Variants in BCAS3 observed in about 807,000 individuals in gnomAD.
The protein encoded by BCAS3 is BCAS3 microtubule associated cell migration factor.
BCAS3 carries 53 observed loss-of-function variants against 116.1 expected under a neutral mutation model. That is an observed-to-expected ratio of 0.46 (90% CI 0.37 to 0.57). BCAS3 has a LOEUF of 0.57. BCAS3 is among the 20% of genes least tolerant of loss of function. BCAS3 has a pLI of 0.00. For synonymous variants in BCAS3, 391 were observed against 408.2 expected (o/e 0.96, Z 0.51); for missense variants, 917 against 1,165.4 (o/e 0.79, Z 3.10).
chr17:61,072,329 T>G (rs1039366917), intron 19 of BCAS3, among the ~76,000 whole-genome samples: 1 of 152,176 alleles, frequency 6.6e-6, no homozygotes, highest in Non-Finnish European at 1.5e-5. Flanking sequence ...AATCCTGTTT[T>G]CATCTGTAAT....
chr17:61,254,417 A>T (rs2048605679), intron 22 of BCAS3, among the ~76,000 whole-genome samples: 2 of 152,174 alleles, frequency 1.3e-5, no homozygotes, highest in African/African-American at 4.8e-5. Flanking sequence ...TTGAGTTCTT[A>T]TCTCTCCTTT....
chr17:61,096,067 G>A (rs955616215), intron 22 of BCAS3, among the ~76,000 whole-genome samples: 13 of 151,962 alleles, frequency 8.6e-5, no homozygotes, highest in South Asian at 4.2e-4. Flanking sequence ...GTGTGATATC[G>A]GTTCACTGCA....
intron 22 of BCAS3, chr17:61,353,784 G>T (rs141952267): frequency 6.6e-6 from 1 of 152,238 alleles, no homozygotes; most frequent in South Asian, 2.1e-4. Flanking sequence ...CAGGCGGACC[G>T]GCCAAGGCTG....
rs537467471 is a variant in BCAS3, at chr17:61,012,651, C to T, written c.1487-3100C>T. 6.6e-6 allele frequency among the ~76,000 whole-genome samples: 1 copy of T among 152,052 alleles called. No homozygotes were observed. On this transcript the variant is annotated intron_variant, in intron 15 of 23. Coordinates refer to ENST00000407086, the MANE Select transcript of BCAS3 (RefSeq NM_017679.5). This position sits in a 1 kb window ranked among gnomAD's most constrained non-coding sequence, Gnocchi z 4.5. Reference sequence around the variant, plus strand: ...TGTAAAACCTACACAACTTACTTTGCTCTCTCAGATGTGCTGGTTTCAAAT... The same window carrying T: ...TGTAAAACCTACACAACTTACTTTGTTCTCTCAGATGTGCTGGTTTCAAAT...
rs926456530 is a variant in BCAS3, at chr17:61,276,224, G to T, written c.2426-92103G>T. Among the ~76,000 whole-genome samples the T allele has an allele frequency of 7.2e-5, 11 of 152,146 alleles. No homozygotes were observed. Among genetic ancestry groups the T allele is most frequent in the African/African-American group, 2.7e-4 (11 of 41,508 alleles). On this transcript the variant is annotated intron_variant, in intron 22 of 23. Coordinates refer to ENST00000407086, the MANE Select transcript of BCAS3 (RefSeq NM_017679.5). The surrounding 1 kb of genome is among the most constrained non-coding windows in gnomAD (Gnocchi z 4.2). ...AAAAATTAGCCAGGCATGGTGGTGAGCACCTGTAATCCCAGCTACTTGGGA... is the reference window on the plus strand; with the variant it reads ...AAAAATTAGCCAGGCATGGTGGTGATCACCTGTAATCCCAGCTACTTGGGA...
At chr17:60,775,918 C>T (rs1024304922) in intron 6 of BCAS3, among the ~76,000 whole-genome samples, 6 of 152,000 alleles carry the variant, frequency 3.9e-5, no homozygotes, top group African/African-American at 1.5e-4. Flanking sequence ...AGAAATGAAC[C>T]AAGAATTATG....
intron 13 of BCAS3, among the ~76,000 whole-genome samples, chr17:60,929,531 GAT>G (rs997093501): frequency 1.3e-5 from 2 of 151,928 alleles, no homozygotes; most frequent in African/African-American, 4.8e-5. Flanking sequence ...TTTATAAAAA[GAT>G]ATGTAATTTC....
At position 61,203,447 on chromosome 17, in the gene BCAS3, C is replaced by T. The variant is rs933902394; in HGVS notation, c.2425+118883C>T. Among the ~76,000 whole-genome samples the T allele has an allele frequency of 2.6e-5, 4 of 152,118 alleles. No individual in the cohort carries two copies. The highest frequency in any genetic ancestry group is 2.1e-4 in the South Asian group (1 of 4,824). On this transcript the variant is annotated intron_variant, in intron 22 of 23. Transcript: ENST00000407086. This position sits in a 1 kb window ranked among gnomAD's most constrained non-coding sequence, Gnocchi z 5.7. ...CTGGTATCACAGGTGTGAGCCACCG[C>T]GCCTGGGCTTCATTACAATTTTTAT...
intron 22 of BCAS3, among the ~76,000 whole-genome samples, chr17:61,322,802 G>GAGAGAGAGAGAGAGAGAGAGAGAC (rs1568850130): frequency 4.8e-5 from 6 of 125,450 alleles, no homozygotes; most frequent in East Asian, 4.4e-4. Flanking sequence ...GACAGAGAGA[G>GAGAGAGAGAGAGAGAGAGAGAGAC]AGAGAGAGAG....
At chr17:61,074,494 A>G (rs1267763058) in intron 19 of BCAS3, among the ~76,000 whole-genome samples, 1 of 152,174 alleles carries the variant, frequency 6.6e-6, no homozygotes, top group Non-Finnish European at 1.5e-5. Flanking sequence ...AAGATGATGT[A>G]TTTCTCTGGA....
chr17:61,275,167 A>G (rs2050664718), intron 22 of BCAS3, among the ~76,000 whole-genome samples: 1 of 152,194 alleles, frequency 6.6e-6, no homozygotes, highest in South Asian at 2.1e-4. Context: ...TCTGTTTTTG[A>G]AAAGCTACTG....
chr17:61,133,201 T>C (rs1270612981), intron 22 of BCAS3, among the ~76,000 whole-genome samples: 1 of 152,152 alleles, frequency 6.6e-6, no homozygotes, highest in African/African-American at 2.4e-5. Flanking sequence ...GAGTATTTGA[T>C]GTTACCCCTT....
At chr17:61,069,121 C>T (rs908224824) in intron 19 of BCAS3, among the ~76,000 whole-genome samples, 1 of 151,858 alleles carries the variant, frequency 6.6e-6, no homozygotes, top group Non-Finnish European at 1.5e-5. Context: ...AAAGAAGTGA[C>T]TTGGGAAATA....
chr17:60,679,814 A>G (rs1208360668), intron 2 of BCAS3, among the ~76,000 whole-genome samples: 1 of 152,168 alleles, frequency 6.6e-6, no homozygotes, highest in Non-Finnish European at 1.5e-5. Context: ...GGATTGTTAA[A>G]TCAGTTTAGT....
chr17:61,347,511 A>G lies in BCAS3; in HGVS notation c.2426-20816A>G, dbSNP rs2057572338. On this transcript the variant is annotated intron_variant, in intron 22 of 23. Transcript: ENST00000407086. The surrounding 1 kb of genome is among the most constrained non-coding windows in gnomAD (Gnocchi z 4.3). Reference sequence around the variant, plus strand: ...CAGGAACTGAGGCACTGTGCTGTGCACTGGGGACAGAGATCTAAAAAATGA... The same window carrying G: ...CAGGAACTGAGGCACTGTGCTGTGCGCTGGGGACAGAGATCTAAAAAATGA... 6.6e-6 allele frequency among the ~76,000 whole-genome samples: 1 copy of G among 152,212 alleles called. No individual in the cohort carries two copies. Among genetic ancestry groups the G allele is most frequent in the South Asian group, 2.1e-4 (1 of 4,832 alleles).
intron 9 of BCAS3, among the ~76,000 whole-genome samples, chr17:60,881,682 T>C (rs2056170776): frequency 6.7e-6 from 1 of 148,212 alleles, no homozygotes; most frequent in Non-Finnish European, 1.5e-5. Context: ...TGAGTGAGAA[T>C]ATGCGGTGTT....
chr17:61,386,444 G>A (rs1271463998), intron 23 of BCAS3, among the ~76,000 whole-genome samples: 1 of 152,236 alleles, frequency 6.6e-6, no homozygotes, highest in East Asian at 1.9e-4. Context: ...AGCGTGGGTG[G>A]AGAAATGCAG....
rs1201989400 is a variant in BCAS3, at chr17:61,233,710, C to G, written c.2426-134617C>G. 1.3e-5 allele frequency among the ~76,000 whole-genome samples: 2 copies of G among 152,204 alleles called. No homozygotes were observed. The highest frequency in any genetic ancestry group is 4.8e-5 in the African/African-American group (2 of 41,462). ...AATGAAAGCATGGATTAGGCTAGCT[C>G]TTCGTCAAACCTCCCTTCTCAATTC... On this transcript the variant is annotated intron_variant, in intron 22 of 23. Transcript: ENST00000407086. The surrounding 1 kb of genome is among the most constrained non-coding windows in gnomAD (Gnocchi z 4.3).
intron 15 of BCAS3, among the ~76,000 whole-genome samples, chr17:60,999,179 A>G (rs1246053502): frequency 3.3e-5 from 5 of 152,112 alleles, no homozygotes; most frequent in South Asian, 4.1e-4. Context: ...CCATTGGTCT[A>G]TGTGTCTTAT....
Sources: gnomAD v4.1 joint callset for allele counts (sites outside exome capture counted in the v4.1 genomes callset) on GRCh38, gnomAD v4.1.1 for gene constraint, Gnocchi (gnomAD v3.1) non-coding constraint, MANE v1.5 for transcripts, NCBI Gene and HGNC (gene_info 2026-07-23, HGNC 2026-07-21) for gene names.